KCNMB2: variants seen among roughly 807,000 people sequenced by gnomAD.
KCNMB2 encodes the protein calcium-activated potassium channel subunit beta-2.
Under a neutral mutation model 24.5 loss-of-function variants are expected in KCNMB2, and 9 were observed. The observed-to-expected ratio is 0.37, with a 90% CI of 0.22 to 0.64. The LOEUF is 0.64. Among genes scored for constraint, KCNMB2 ranks in the 30% least tolerant of loss-of-function variants. The pLI is 0.63. For synonymous variants in KCNMB2, 109 were observed against 104.4 expected (o/e 1.04, Z -0.27); for missense variants, 226 against 284.3 (o/e 0.79, Z 1.47).
chr3:178,647,890 A>G (rs1434276583), intron 1 of KCNMB2, among the ~76,000 whole-genome samples: 1 of 152,208 alleles, frequency 6.6e-6, no homozygotes, highest in African/African-American at 2.4e-5. Context: ...ATTTTAAGTC[A>G]AATGATTACA....
chr3:178,588,732 C>CGACT (rs1474274825), intron 1 of KCNMB2, among the ~76,000 whole-genome samples: 8 of 152,072 alleles, frequency 5.3e-5, no homozygotes, highest in African/African-American at 1.9e-4. Context: ...GTAGCTATTA[C>CGACT]GACTTCCGTT....
intron 1 of KCNMB2, among the ~76,000 whole-genome samples, chr3:178,618,007 T>C (rs577943191): frequency 5.7e-4 from 85 of 150,344 alleles, no homozygotes; most frequent in African/African-American, 2.1e-3. Flanking sequence ...CATATGCAGA[T>C]AGATAGATTT....
chr3:178,618,079 T>G (rs1718780083), intron 1 of KCNMB2, among the ~76,000 whole-genome samples: 1 of 152,116 alleles, frequency 6.6e-6, no homozygotes, highest in Non-Finnish European at 1.5e-5. Context: ...ACATTTTATC[T>G]TATTTCCTAT....
chr3:178,843,569 A>G lies in KCNMB2; in HGVS notation c.*632A>G, dbSNP rs930411454. The G allele has an allele frequency of 1.1e-5, 2 of 175,696 alleles. No homozygotes were observed. The highest frequency in any genetic ancestry group is 2.4e-5 in the Non-Finnish European group (2 of 82,202). The allele number at this position is 175,696 out of a possible 1,614,324, so 10.9% of individuals were successfully genotyped here. A position where few individuals can be genotyped will look rare whatever the true frequency, so the allele number is the denominator to read the frequency against. ...GCTGTTTTCATTAGCCAGTTCTATA[A>G]TATCTTCCTGTGATTTATGTAGAAA... is the stretch of plus-strand genomic sequence containing the variant. On this transcript the variant is annotated 3_prime_UTR_variant, in exon 5 of 5. Coordinates refer to ENST00000452583, the MANE Select transcript of KCNMB2 (RefSeq NM_181361.3).
chr3:178,704,216 A>T (rs1364537543), intron 1 of KCNMB2, among the ~76,000 whole-genome samples: 1 of 152,018 alleles, frequency 6.6e-6, no homozygotes, highest in Admixed American at 6.6e-5. Context: ...TCACACTCCC[A>T]AACAAACATT....
At chr3:178,614,841 T>C (rs1276154151) in intron 1 of KCNMB2, among the ~76,000 whole-genome samples, 2 of 152,190 alleles carry the variant, frequency 1.3e-5, no homozygotes, top group African/African-American at 4.8e-5. Flanking sequence ...AGATGTTTTT[T>C]GGTGTCTGTG....
intron 1 of KCNMB2, among the ~76,000 whole-genome samples, chr3:178,645,575 C>A (rs1419758586): frequency 1.3e-5 from 2 of 152,224 alleles, no homozygotes; most frequent in African/African-American, 2.4e-5. Context: ...CCCACCAGGG[C>A]AGCCCTGGGA....
intron 1 of KCNMB2, among the ~76,000 whole-genome samples, chr3:178,590,034 C>T (rs764362357): frequency 5.9e-5 from 9 of 152,182 alleles, no homozygotes; most frequent in Non-Finnish European, 1.0e-4. Context: ...CATAACAATA[C>T]ACTTAAAATT....
intron 1 of KCNMB2, among the ~76,000 whole-genome samples, chr3:178,714,207 G>A (rs908724173): frequency 2.6e-5 from 4 of 152,106 alleles, no homozygotes; most frequent in South Asian, 2.1e-4. Context: ...GACTTACCAT[G>A]TATTTCATTT....
chr3:178,642,740 C>T (rs983968129), intron 1 of KCNMB2, among the ~76,000 whole-genome samples: 14 of 152,172 alleles, frequency 9.2e-5, no homozygotes, highest in Non-Finnish European at 1.8e-4. Context: ...TCAACTATAT[C>T]ACCAATTTAA....
intron 1 of KCNMB2, among the ~76,000 whole-genome samples, chr3:178,591,969 T>C (rs975077192): frequency 2.0e-5 from 3 of 152,186 alleles, no homozygotes; most frequent in Admixed American, 2.0e-4. Context: ...CAATGTTTTT[T>C]CTTTTTGGTG....
intron 1 of KCNMB2, among the ~76,000 whole-genome samples, chr3:178,751,039 G>A (rs1486332731): frequency 1.3e-5 from 2 of 152,240 alleles, no homozygotes; most frequent in East Asian, 3.9e-4. Flanking sequence ...AGTTTTGCAC[G>A]ACTAATATAG....
chr3:178,615,548 C>T (rs1468052056), intron 1 of KCNMB2, among the ~76,000 whole-genome samples: 1 of 152,216 alleles, frequency 6.6e-6, no homozygotes, highest in Non-Finnish European at 1.5e-5. Context: ...ACCCTGTAGC[C>T]ATCACCATCC....
At chr3:178,683,757 A>G (rs1053979025) in intron 1 of KCNMB2, among the ~76,000 whole-genome samples, 5 of 152,184 alleles carry the variant, frequency 3.3e-5, no homozygotes, top group Non-Finnish European at 7.3e-5. Context: ...GGCTTGTCAA[A>G]TGCTTATCAA....
intron 1 of KCNMB2, among the ~76,000 whole-genome samples, chr3:178,559,263 T>C (rs933582270): frequency 1.3e-5 from 2 of 152,114 alleles, no homozygotes; most frequent in African/African-American, 4.8e-5. Context: ...TTTTCTTAGT[T>C]GGATTTAGGG....
intron 1 of KCNMB2, among the ~76,000 whole-genome samples, chr3:178,651,608 G>A (rs541824821): frequency 2.6e-5 from 4 of 152,284 alleles, no homozygotes; most frequent in Non-Finnish European, 1.5e-5. Flanking sequence ...AGCCCATATA[G>A]CCAAGACAAT....
rs1433396239 is a variant in KCNMB2, at chr3:178,759,264, G to C, written c.-67-48079G>C. ...ATATATATATATCTCTCCAAGAAGA[G>C]ACAGATACATATATATCTCTCCAAG... On this transcript the variant is annotated intron_variant, in intron 1 of 4. Coordinates refer to ENST00000452583, the MANE Select transcript of KCNMB2 (RefSeq NM_181361.3). Among the ~76,000 whole-genome samples, 2 of 116,886 alleles carry C rather than the reference G, an allele frequency of 1.7e-5. 1 individual carries two copies. 76.7% of individuals were successfully genotyped at this position (116,886 alleles called of 152,430 possible). A position where few individuals can be genotyped will look rare whatever the true frequency, so the allele number is the denominator to read the frequency against.
At chr3:178,568,584 T>A (rs1359447961) in intron 1 of KCNMB2, among the ~76,000 whole-genome samples, 2 of 152,084 alleles carry the variant, frequency 1.3e-5, no homozygotes, top group African/African-American at 4.8e-5. Context: ...AGCTTAATAG[T>A]CACAGTACTT....
At chr3:178,778,502 A>ACC (rs869284286) in intron 1 of KCNMB2, among the ~76,000 whole-genome samples, 2 of 140,804 alleles carry the variant, frequency 1.4e-5, no homozygotes, top group African/African-American at 5.5e-5. Flanking sequence ...ACACACACAC[A>ACC]CCTGTTCCAG....
Sources: allele counts gnomAD v4.1 joint callset (sites outside exome capture counted in the v4.1 genomes callset), GRCh38; gene constraint gnomAD v4.1.1; transcripts MANE v1.5; gene names NCBI Gene and HGNC (gene_info 2026-07-23, HGNC 2026-07-21).